Variants in TRMT1 observed in about 807,000 individuals in gnomAD.
TRMT1 encodes the protein tRNA (guanine(26)-N(2))-dimethyltransferase.
Under a neutral mutation model 75.4 loss-of-function variants are expected in TRMT1, and 63 were observed. The observed-to-expected ratio is 0.84, with a 90% CI of 0.68 to 1.03. The LOEUF (loss-of-function observed/expected upper bound fraction) is 1.03, where lower values mean the gene tolerates loss of function less well. Among genes scored for constraint, TRMT1 ranks in the 50% least tolerant of loss-of-function variants. The pLI, the probability that TRMT1 is intolerant of heterozygous loss-of-function variation, is 0.00. For missense variants in TRMT1, 870 were observed against 905.3 expected, an observed-to-expected ratio of 0.96 and a Z score of 0.50; for synonymous variants, 382 against 358.1, an observed-to-expected ratio of 1.07 and a Z score of -0.75.
intron 14 of TRMT1, 133 bp downstream of exon 14, chr19:13,107,439 CCA>C (rs2018926005): frequency 2.7e-6 from 3 of 1,113,570 alleles, no homozygotes; most frequent in African/African-American, 1.5e-5. Flanking sequence ...CTACCCAGCC[CCA>C]GTCAGCAGAT....
chr19:13,113,771 G>A (rs56984035), intron 5 of TRMT1, among the ~76,000 whole-genome samples: 9,647 of 150,476 alleles, frequency 0.064, 402 homozygotes, highest in African/African-American at 0.11. Flanking sequence ...CACCATGCCT[G>A]GCTAATTTTT....
At chr19:13,115,942 C>G (rs2019330656) in intron 3 of TRMT1, 55 bp downstream of exon 3, 4 of 1,613,282 alleles carry the variant, frequency 2.5e-6, no homozygotes, top group Non-Finnish European at 3.4e-6. Flanking sequence ...AGAGCCCAGG[C>G]AGGGAGATAA....
intron 12 of TRMT1, among the ~76,000 whole-genome samples, chr19:13,108,644 T>C (rs2018986742): frequency 6.6e-6 from 1 of 151,920 alleles, no homozygotes; most frequent in East Asian, 1.9e-4. Flanking sequence ...TCTCGCTCTG[T>C]TGCCCAGGTT....
In TRMT1 at chr19:13,105,405, G is replaced by A. The variant is rs374232924; in HGVS notation, c.1704-9C>T. The A allele has an allele frequency of 2.2e-5, 35 of 1,613,516 alleles. No individual in the cohort carries two copies. Among genetic ancestry groups the A allele is most frequent in the Non-Finnish European group, 2.8e-5 (33 of 1,179,990 alleles). On this transcript the variant is annotated splice_polypyrimidine_tract_variant and intron_variant, in intron 15 of 16. Transcript: ENST00000357720. ...CGTCGGCCGCCTTGCCCCTGTGCGA[G>A]GGGAGGAGTAGGTGGGACCCCATCT...
rs900809827 is a variant in TRMT1 at position 13,104,915 on chromosome 19, C to T, written c.*20G>A. The stretch of plus-strand genomic sequence containing the variant: ...ACCACAGGCAATCGGGAGAAGGTGA[C>T]GTGACATCTCTTTATTGGTTCAGTC... On this transcript the variant is annotated 3_prime_UTR_variant, in exon 17 of 17. Coordinates refer to ENST00000357720, the MANE Select transcript of TRMT1 (RefSeq NM_001136035.4). The T allele has an allele frequency of 5.0e-6, 8 of 1,613,850 alleles. No individual in the cohort carries two copies. Among genetic ancestry groups the T allele is most frequent in the East Asian group, 2.2e-5 (1 of 44,890 alleles).
chr19:13,110,307 C>T lies in TRMT1; in HGVS notation c.871-1G>A. 6.4e-7 allele frequency: 1 copy of T among 1,566,376 alleles called. No individual in the cohort carries two copies. The highest frequency in any genetic ancestry group is 1.2e-5 in the South Asian group (1 of 86,144). ...GGCTGTGCAGGACGATTCTCAGGGC[C>T]TGGGGGTGGGGGGTGGGTGTCAGCC... On this transcript the variant is annotated splice_acceptor_variant, in intron 7 of 16. Coordinates refer to ENST00000357720, the MANE Select transcript of TRMT1 (RefSeq NM_001136035.4). LOFTEE classifies it high-confidence loss of function.
intron 14 of TRMT1, among the ~76,000 whole-genome samples, chr19:13,106,702 G>C (rs2018886627): frequency 6.6e-6 from 1 of 151,224 alleles, no homozygotes; most frequent in African/African-American, 2.4e-5. Context: ...GGCCAGGCTG[G>C]TCTTGAACTC....
At chr19:13,112,584 A>G (rs2019183135) in intron 7 of TRMT1, 121 bp downstream of exon 7, 1 of 867,128 alleles carries the variant, frequency 1.2e-6, no homozygotes, top group Admixed American at 2.2e-5. Flanking sequence ...CCTGGGATGC[A>G]TCTGGCCATC....
At chr19:13,115,793 CAG>C (rs2019322806) in intron 3 of TRMT1, 25 bp from the exon 4 acceptor site, 1 of 1,613,568 alleles carries the variant, frequency 6.2e-7, no homozygotes, top group Non-Finnish European at 8.5e-7. Context: ...AGGCACAAGT[CAG>C]AGAATAACAA....
chr19:13,112,429 T>G (rs2019175808), intron 7 of TRMT1, among the ~76,000 whole-genome samples: 1 of 152,190 alleles, frequency 6.6e-6, no homozygotes, highest in Admixed American at 6.5e-5. Flanking sequence ...AAAATTTTTT[T>G]TTGAAAAGTT....
chr19:13,112,084 G>T (rs1469625297), intron 7 of TRMT1, among the ~76,000 whole-genome samples: 1 of 151,742 alleles, frequency 6.6e-6, no homozygotes, highest in Non-Finnish European at 1.5e-5. Context: ...TCGCCTCCTG[G>T]GTTCAAGTGA....
At chr19:13,106,470 TG>T (rs1423923033) in intron 14 of TRMT1, among the ~76,000 whole-genome samples, 2 of 151,780 alleles carry the variant, frequency 1.3e-5, no homozygotes, top group East Asian at 3.9e-4. Context: ...CCTGGTATGC[TG>T]GTAATGCTAA....
intron 2 of TRMT1, 33 bp from the exon 3 acceptor site, chr19:13,116,085 GC>G: frequency 6.2e-7 from 1 of 1,612,640 alleles, no homozygotes; most frequent in Non-Finnish European, 8.5e-7. Flanking sequence ...CTCATACCCC[GC>G]CCCCGCCATC....
At position 13,109,993 on chromosome 19, in the gene TRMT1, G is replaced by A. The variant is rs146440296; in HGVS notation, c.1028C>T (p.Ala343Val). Residue 343 changes from alanine to valine, a missense_variant, in exon 9 of 17, where the codon GCG (alanine) becomes GTG (valine). Physicochemically the swap from Ala to Val is moderately conservative, Grantham distance 64. Coordinates refer to ENST00000357720, the MANE Select transcript of TRMT1 (RefSeq NM_001136035.4). ...AKVKASASKQ[A>V]LVFQCVGCGA... ...GCAGCCCACACACTGGAACACCAGC[G>A]CCTGCTTGCTGTGGGGGGTACCAGT... 39 of 1,613,306 alleles carry A rather than the reference G, an allele frequency of 2.4e-5. 1 individual carries two copies. The highest frequency in any genetic ancestry group is 1.7e-4 in the Middle Eastern group (1 of 6,058).
At chr19:13,114,624 T>C (rs2019263860) in intron 5 of TRMT1, among the ~76,000 whole-genome samples, 1 of 152,002 alleles carries the variant, frequency 6.6e-6, no homozygotes, top group South Asian at 2.1e-4. Flanking sequence ...ATCACGCTAG[T>C]GCACTCTAGC....
chr19:13,109,788 T>C lies in TRMT1; in HGVS notation c.1157A>G (p.His386Arg). 4 of 1,614,112 alleles carry C rather than the reference T, an allele frequency of 2.5e-6. No homozygotes were observed. Among genetic ancestry groups the C allele is most frequent in the Non-Finnish European group, 3.4e-6 (4 of 1,180,002 alleles). ...CGPPVTPECE[H>R]CGQRHQLGGP... is the part of the protein sequence containing the mutation. ...CCCTACCTGGTGTCGTTGCCCACAGTGTTCACACTCGGGGGTCACAGGGGG... is the reference window on the plus strand; with the variant it reads ...CCCTACCTGGTGTCGTTGCCCACAGCGTTCACACTCGGGGGTCACAGGGGG... Residue 386 changes from histidine to arginine, a missense_variant, in exon 10 of 17, where the codon CAC (histidine) becomes CGC (arginine). His to Arg is a conservative substitution (Grantham distance 29, BLOSUM62 0). Transcript: ENST00000357720.
intron 5 of TRMT1, among the ~76,000 whole-genome samples, chr19:13,114,208 C>T (rs1453846644): frequency 6.6e-6 from 1 of 152,130 alleles, no homozygotes; most frequent in Non-Finnish European, 1.5e-5. Flanking sequence ...AAAAAACATT[C>T]TTGGGTTGTG....
intron 16 of TRMT1, 85 bp downstream of exon 16, chr19:13,105,182 G>GC: frequency 4.5e-6 from 7 of 1,557,468 alleles, no homozygotes; most frequent in Non-Finnish European, 6.1e-6. Context: ...CACTTGCCTG[G>GC]CCCCAGCTCC....
In TRMT1 at chr19:13,115,767, G is replaced by GACTGCAGCC. The variant is rs1481956621; in HGVS notation, c.311-8_311dup (p.Ile104delinsMetAlaAlaVal). 6 of 1,613,848 alleles carry GACTGCAGCC rather than the reference G, an allele frequency of 3.7e-6. No individual in the cohort carries two copies. The highest frequency in any genetic ancestry group is 5.1e-6 in the Non-Finnish European group (6 of 1,180,020). Reference sequence around the variant, plus strand: ...GCGTGTCCTTCTCTCCTGGAACCTTGACTGCAGCCACCCAGAGGCACAAGT... The same window carrying GACTGCAGCC: ...GCGTGTCCTTCTCTCCTGGAACCTTGACTGCAGCCACTGCAGCCACCCAGAGGCACAAGT... On this transcript the variant is annotated protein_altering_variant and splice_region_variant, in exon 4 of 17. Coordinates refer to ENST00000357720, the MANE Select transcript of TRMT1 (RefSeq NM_001136035.4).
Sources: allele counts gnomAD v4.1 joint callset (sites outside exome capture counted in the v4.1 genomes callset), GRCh38; gene constraint gnomAD v4.1.1; transcripts MANE v1.5; gene names NCBI Gene and HGNC (gene_info 2026-07-23, HGNC 2026-07-21).